CNPY1: variants seen among roughly 807,000 people sequenced by gnomAD.
CNPY1 encodes canopy FGF signaling regulator 1.
In CNPY1, 14 loss-of-function variants were observed where a neutral mutation model predicts 14.4. That is an observed-to-expected ratio of 0.97 (90% confidence interval 0.64 to 1.52). The LOEUF (loss-of-function observed/expected upper bound fraction) is 1.52. CNPY1 is among the 40% of genes most tolerant of loss of function. The pLI is 0.00. For synonymous variants in CNPY1, 43 were observed against 46.5 expected (o/e 0.92, Z 0.31); for missense variants, 129 against 131.5 (o/e 0.98, Z 0.09).
chr7:155,506,895 G>A (rs1175485492), intron 4 of CNPY1, 125 bp downstream of exon 4: 2 of 678,256 alleles, frequency 2.9e-6, no homozygotes, highest in Non-Finnish European at 5.2e-6. Flanking sequence ...GGAGACGGGG[G>A]ATCCTGTGTC....
intron 3 of CNPY1, among the ~76,000 whole-genome samples, chr7:155,508,552 T>C (rs913733476): frequency 1.3e-5 from 2 of 152,190 alleles, no homozygotes; most frequent in Non-Finnish European, 2.9e-5. Flanking sequence ...AAGACCACTC[T>C]GGAGTCCCCA....
chr7:155,521,388 G>C (rs553427835), intron 2 of CNPY1, among the ~76,000 whole-genome samples: 2 of 152,334 alleles, frequency 1.3e-5, no homozygotes, highest in Middle Eastern at 3.4e-3. Context: ...CCCCAGAGTA[G>C]AAAGTCTAGT....
intron 2 of CNPY1, among the ~76,000 whole-genome samples, chr7:155,538,778 C>T (rs1245617805): frequency 6.6e-6 from 1 of 152,170 alleles, no homozygotes; most frequent in Non-Finnish European, 1.5e-5. Context: ...CATGGGCTGA[C>T]TCGCGCCCCC....
chr7:155,504,422 G>T (rs542097091), intron 4 of CNPY1, among the ~76,000 whole-genome samples: 1 of 152,118 alleles, frequency 6.6e-6, no homozygotes, highest in African/African-American at 2.4e-5. Context: ...CTGTGAATGT[G>T]CCCTACTTGC....
At position 155,501,355 on chromosome 7, in the gene CNPY1, G is replaced by C. The variant is rs1796101893; in HGVS notation, c.*1713C>G. ...CACATTTTCTTAATTTCTATAATTA[G>C]TGTTAGCATTGCCTACATTTGAGAA... On this transcript the variant is annotated 3_prime_UTR_variant, in exon 5 of 5. Transcript: ENST00000636446. 1 of 152,194 alleles carries C rather than the reference G, an allele frequency of 6.6e-6. No homozygotes were observed. The highest frequency in any genetic ancestry group is 1.5e-5 in the Non-Finnish European group (1 of 68,034). The allele number at this position is 152,194 out of a possible 1,614,324, so 9.4% of individuals were successfully genotyped here.
At chr7:155,512,578 C>A (rs1390978631) in intron 2 of CNPY1, among the ~76,000 whole-genome samples, 1 of 152,170 alleles carries the variant, frequency 6.6e-6, no homozygotes, top group Non-Finnish European at 1.5e-5. Context: ...TTATTACAGA[C>A]CTCTATGATA....
At chr7:155,513,404 TG>T (rs1313959377) in intron 2 of CNPY1, among the ~76,000 whole-genome samples, 1 of 152,216 alleles carries the variant, frequency 6.6e-6, no homozygotes, top group Non-Finnish European at 1.5e-5. Flanking sequence ...GAATTTGTGG[TG>T]TCCATAAGAC....
intron 2 of CNPY1, among the ~76,000 whole-genome samples, chr7:155,527,844 A>C (rs953448589): frequency 7.9e-5 from 12 of 152,200 alleles, no homozygotes; most frequent in Non-Finnish European, 1.8e-4. Context: ...GGGCCTGGAA[A>C]GCCACACACA....
intron 2 of CNPY1, among the ~76,000 whole-genome samples, chr7:155,543,005 C>T (rs900757889): frequency 6.6e-5 from 10 of 152,154 alleles, no homozygotes; most frequent in Non-Finnish European, 1.2e-4. Flanking sequence ...TGCTTCTTCC[C>T]GTGGCTCCCC....
At chr7:155,510,629 T>G (rs1796508919) in intron 2 of CNPY1, 1 of 152,222 alleles carries the variant, frequency 6.6e-6, no homozygotes, top group Admixed American at 6.5e-5. Context: ...AATACCACGC[T>G]TTTAAAACTC....
intron 2 of CNPY1, among the ~76,000 whole-genome samples, chr7:155,538,317 T>C (rs1468925471): frequency 1.3e-5 from 2 of 152,198 alleles, no homozygotes; most frequent in African/African-American, 4.8e-5. Context: ...CTTCCTCTTG[T>C]GCTTGCAAGA....
intron 2 of CNPY1, among the ~76,000 whole-genome samples, chr7:155,540,197 C>T (rs1397898511): frequency 2.0e-5 from 3 of 152,138 alleles, no homozygotes; most frequent in African/African-American, 7.2e-5. Context: ...AGGCTCTCTG[C>T]ACTTGGGGGC....
chr7:155,523,199 TAGACTTTTGTGC>T (rs1333166329), intron 2 of CNPY1, among the ~76,000 whole-genome samples: 1 of 152,230 alleles, frequency 6.6e-6, no homozygotes, highest in African/African-American at 2.4e-5. Context: ...ATTATGTATT[TAGACTTTTGTGC>T]AGCATCTAAT....
chr7:155,503,098 A>T lies in CNPY1; in HGVS notation c.408T>A (p.Cys136Ter). The T allele has an allele frequency of 6.3e-7, 1 of 1,585,688 alleles. No individual in the cohort carries two copies. Among genetic ancestry groups the T allele is most frequent in the Non-Finnish European group, 8.5e-7 (1 of 1,175,512 alleles). Residue 136 changes from cysteine to a stop codon, truncating the protein, a stop_gained, in exon 5 of 5, where the codon TGT becomes TGA. Coordinates refer to ENST00000636446, the MANE Select transcript of CNPY1 (RefSeq NM_001393663.1). LOFTEE classifies it high-confidence loss of function. ...DKLCSEKSDLCETSANHTEL is the reference protein window; with the variant it reads ...DKLCSEKSDL ...GCTCAGTATGATTAGCAGAAGTTTC[A>T]CACAGATCTGGAAAAAAAAAAAAAA...
chr7:155,531,194 T>G (rs572870072), intron 2 of CNPY1, among the ~76,000 whole-genome samples: 1 of 152,324 alleles, frequency 6.6e-6, no homozygotes, highest in African/African-American at 2.4e-5. Flanking sequence ...AGGCCCCAGC[T>G]GAGAGCCGGT....
intron 2 of CNPY1, among the ~76,000 whole-genome samples, chr7:155,544,437 C>T (rs1259849944): frequency 6.6e-6 from 1 of 152,142 alleles, no homozygotes; most frequent in Non-Finnish European, 1.5e-5. Flanking sequence ...TTCTGCTGGC[C>T]CAGGAGCACT....
chr7:155,538,400 T>C (rs1384397238), intron 2 of CNPY1, among the ~76,000 whole-genome samples: 4 of 152,210 alleles, frequency 2.6e-5, no homozygotes, highest in East Asian at 1.9e-4. Context: ...CAGGCTGGTC[T>C]CACTGTCTCC....
At chr7:155,534,321 GCA>G (rs1796995239) in intron 2 of CNPY1, among the ~76,000 whole-genome samples, 1 of 147,866 alleles carries the variant, frequency 6.8e-6, no homozygotes. Flanking sequence ...ACACACACAT[GCA>G]CACACACGTG....
chr7:155,529,564 C>T lies in CNPY1; in HGVS notation c.99+16267G>A, dbSNP rs1350183441. 5.9e-5 allele frequency among the ~76,000 whole-genome samples: 9 copies of T among 152,248 alleles called. No individual in the cohort carries two copies. In the East Asian group the frequency reaches 1.7e-3, roughly 29 times the overall value. ...GCTGGCAACCCTCGGCATTCCTTGG[C>T]TTATGGACGCATCACTGCCCCTCTG... On this transcript the variant is annotated intron_variant, in intron 2 of 4. Coordinates refer to ENST00000636446, the MANE Select transcript of CNPY1 (RefSeq NM_001393663.1).
Sources: gnomAD v4.1 joint callset for allele counts (sites outside exome capture counted in the v4.1 genomes callset) on GRCh38, gnomAD v4.1.1 for gene constraint, MANE v1.5 for transcripts, NCBI Gene and HGNC (gene_info 2026-07-23, HGNC 2026-07-21) for gene names.